SLC8A1: variants seen among roughly 807,000 people sequenced by gnomAD.
SLC8A1 encodes solute carrier family 8 member A1.
SLC8A1 carries 18 observed loss-of-function variants against 68.3 expected under a neutral mutation model. The observed-to-expected ratio is 0.26, with a 90% CI of 0.18 to 0.39. The LOEUF is 0.39. SLC8A1 is among the 10% of genes least tolerant of loss of function. The probability of loss-of-function intolerance (pLI) is 1.00; values close to 1 mark genes in which losing one functional copy is unlikely to be tolerated. For synonymous variants in SLC8A1, 475 were observed against 415.5 expected (o/e 1.14, Z -1.74); for missense variants, 985 against 1,156.7 (o/e 0.85, Z 2.15).
intron 2 of SLC8A1, among the ~76,000 whole-genome samples, chr2:40,267,329 C>T (rs1055660701): frequency 2.6e-5 from 4 of 152,096 alleles, no homozygotes; most frequent in African/African-American, 9.7e-5. Context: ...GGACCAATAT[C>T]CTAGAAAGTT....
chr2:40,183,487 G>A (rs2050030737), intron 2 of SLC8A1, among the ~76,000 whole-genome samples: 1 of 152,232 alleles, frequency 6.6e-6, no homozygotes, highest in Non-Finnish European at 1.5e-5. Context: ...CGATGAGCAT[G>A]CAATGGCTCA....
chr2:40,447,607 AAG>A (rs1373018684), intron 1 of SLC8A1, among the ~76,000 whole-genome samples: 1 of 150,224 alleles, frequency 6.7e-6, no homozygotes, highest in African/African-American at 2.5e-5. Flanking sequence ...AAAAAAAAAA[AAG>A]AAAGAACATA....
chr2:40,269,275 G>A (rs2065734184), intron 2 of SLC8A1, among the ~76,000 whole-genome samples: 1 of 152,104 alleles, frequency 6.6e-6, no homozygotes, highest in Non-Finnish European at 1.5e-5. Context: ...CAACTATTAA[G>A]ATCTAGCATT....
At chr2:40,264,510 C>T (rs916161841) in intron 2 of SLC8A1, among the ~76,000 whole-genome samples, 10 of 152,118 alleles carry the variant, frequency 6.6e-5, no homozygotes, top group African/African-American at 9.7e-5. Flanking sequence ...CCATGGAATA[C>T]TATGCAGCCA....
chr2:40,245,068 G>A (rs2061681827), intron 2 of SLC8A1, among the ~76,000 whole-genome samples: 1 of 152,154 alleles, frequency 6.6e-6, no homozygotes, highest in Admixed American at 6.5e-5. Flanking sequence ...CAATATAATT[G>A]AGCAACCTTA....
chr2:40,125,359 C>T (rs1379326995), intron 7 of SLC8A1, among the ~76,000 whole-genome samples: 3 of 151,960 alleles, frequency 2.0e-5, no homozygotes, highest in South Asian at 2.1e-4. Context: ...TCCAGTGTCC[C>T]GAGGGTGCCT....
intron 7 of SLC8A1, among the ~76,000 whole-genome samples, chr2:40,138,360 A>C (rs1303217025): frequency 6.6e-6 from 1 of 152,210 alleles, no homozygotes; most frequent in African/African-American, 2.4e-5. Flanking sequence ...GGACTGTGGG[A>C]AATATGGAAA....
intron 2 of SLC8A1, among the ~76,000 whole-genome samples, chr2:40,324,916 C>A (rs1318266251): frequency 6.6e-6 from 1 of 152,114 alleles, no homozygotes; most frequent in African/African-American, 2.4e-5. Context: ...GTGCAACAAC[C>A]AAATGACTGC....
chr2:40,456,900 C>T (rs1703055225), upstream of SLC8A1, among the ~76,000 whole-genome samples: 1 of 152,154 alleles, frequency 6.6e-6, no homozygotes, highest in Admixed American at 6.5e-5. Context: ...ATTTCTACAT[C>T]AAGAGAGTAC....
chr2:40,118,687 G>C (rs1179915287), intron 7 of SLC8A1, among the ~76,000 whole-genome samples: 2 of 143,180 alleles, frequency 1.4e-5, no homozygotes, highest in Non-Finnish European at 3.0e-5. Context: ...TCTGAGGCAG[G>C]AGAAAGCAGC....
At chr2:40,262,497 C>A (rs536541609) in intron 2 of SLC8A1, among the ~76,000 whole-genome samples, 4 of 152,132 alleles carry the variant, frequency 2.6e-5, no homozygotes, top group Admixed American at 6.5e-5. Flanking sequence ...ACTTAAACAA[C>A]AAATGAGCGA....
At chr2:40,297,498 T>C (rs942050069) in intron 2 of SLC8A1, among the ~76,000 whole-genome samples, 3 of 152,224 alleles carry the variant, frequency 2.0e-5, no homozygotes, top group African/African-American at 4.8e-5. Context: ...TGTAACTCAG[T>C]AGTTTTCTGG....
In SLC8A1 at chr2:40,160,966, G is replaced by A. The variant is rs72792731; in HGVS notation, c.2062-102C>T. The A allele has an allele frequency of 2.4e-3, 1,818 of 771,138 alleles. 4 individuals are homozygous for A. The highest frequency in any genetic ancestry group is 3.8e-3 in the Middle Eastern group (14 of 3,730). 47.8% of individuals were successfully genotyped at this position (771,138 alleles called of 1,614,324 possible). On this transcript the variant is annotated intron_variant, in intron 5 of 7. Transcript: ENST00000406785. The stretch of plus-strand genomic sequence containing the variant: ...AAACTCCAGAGTTATATAAAGGGTA[G>A]CAGATGTTAGGCTCAAAACAACAGT...
chr2:40,098,435 G>A (rs1259383221), exon 8 of SLC8A1: 1 of 151,918 alleles, frequency 6.6e-6, no homozygotes, highest in East Asian at 1.9e-4. Flanking sequence ...TCAACCTTCT[G>A]TACAACATTG....
chr2:40,139,970 G>C (rs1392631156), intron 6 of SLC8A1, among the ~76,000 whole-genome samples: 1 of 152,154 alleles, frequency 6.6e-6, no homozygotes, highest in East Asian at 1.9e-4. Flanking sequence ...GGTAAGACTT[G>C]TCACTTCAGA....
chr2:40,440,732 G>A (rs34682370), intron 1 of SLC8A1, among the ~76,000 whole-genome samples: 7,417 of 152,108 alleles, frequency 0.049, 348 homozygotes, highest in East Asian at 0.25. Context: ...ATTCAACATC[G>A]CTTCATGTTA....
chr2:40,247,041 T>A (rs1469244114), intron 2 of SLC8A1, among the ~76,000 whole-genome samples: 1 of 152,220 alleles, frequency 6.6e-6, no homozygotes, highest in Non-Finnish European at 1.5e-5. Context: ...GCCATTTTAG[T>A]GTGAAATCAT....
At chr2:40,453,651 GT>G (rs1702814175), upstream of SLC8A1, among the ~76,000 whole-genome samples, 1 of 152,146 alleles carries the variant, frequency 6.6e-6, no homozygotes, top group African/African-American at 2.4e-5. Context: ...GCCTTAATTT[GT>G]TTTTAAGATG....
Position 40,231,614 on chromosome 2 carries a change from A to G in SLC8A1, c.1809-53759T>C, listed in dbSNP as rs536579390. ...TGTTCTCACCTTTGTCTTACAATTA[A>G]TTCTTCTGCAGATCCCCTCACACTG... On this transcript the variant is annotated intron_variant, in intron 2 of 7. Coordinates refer to ENST00000406785, the Ensembl canonical transcript of SLC8A1. Among the ~76,000 whole-genome samples the G allele has an allele frequency of 2.0e-5, 3 of 152,174 alleles. No homozygotes were observed. The South Asian group carries it at 6.2e-4, about 32-fold the overall frequency.
Sources: gnomAD v4.1 joint callset for allele counts (sites outside exome capture counted in the v4.1 genomes callset) on GRCh38, gnomAD v4.1.1 for gene constraint, MANE v1.5 for transcripts, NCBI Gene and HGNC (gene_info 2026-07-23, HGNC 2026-07-21) for gene names.